Variants in PIKFYVE observed in about 807,000 individuals in gnomAD.
PIKFYVE encodes 1-phosphatidylinositol 3-phosphate 5-kinase.
Under a neutral mutation model 257.9 loss-of-function variants are expected in PIKFYVE, and 122 were observed. The observed-to-expected ratio is 0.47, with a 90% CI of 0.41 to 0.55. The LOEUF is 0.55. Among genes scored for constraint, PIKFYVE ranks in the 20% least tolerant of loss-of-function variants. The probability of loss-of-function intolerance (pLI) is 0.00; values close to 1 mark genes in which losing one functional copy is unlikely to be tolerated. For missense variants in PIKFYVE, 2,160 were observed against 2,536.6 expected (o/e 0.85, Z 3.19); for synonymous variants, 892 against 868.9 (o/e 1.03, Z -0.47).
rs374271291 is a variant in PIKFYVE, at chr2:208,278,742, C to CT, written c.613+1041dup. On this transcript the variant is annotated intron_variant, in intron 5 of 41. Coordinates refer to ENST00000264380, the MANE Select transcript of PIKFYVE (RefSeq NM_015040.4). Reference sequence around the variant, plus strand: ...TTGCTGCAAAGGACATAATTTTGTTCTTTTTTTATGGCTGCATAGTATTCC... The same window carrying CT: ...TTGCTGCAAAGGACATAATTTTGTTCTTTTTTTTATGGCTGCATAGTATTCC... Among the ~76,000 whole-genome samples the CT allele has an allele frequency of 5.9e-5, 9 of 152,186 alleles. No homozygotes were observed. In the South Asian group the frequency reaches 8.3e-4, roughly 14 times the overall value.
At chr2:208,287,270 CT>C (rs56178613) in intron 6 of PIKFYVE, among the ~76,000 whole-genome samples, 119,368 of 135,024 alleles carry the variant, frequency 0.88, 53,635 homozygotes, top group Non-Finnish European at 0.96. Flanking sequence ...TTTTCTTTTT[CT>C]TTTTTTTTTT....
chr2:208,315,773 A>G (rs970617049), intron 15 of PIKFYVE, among the ~76,000 whole-genome samples: 1 of 152,052 alleles, frequency 6.6e-6, no homozygotes, highest in African/African-American at 2.4e-5. Flanking sequence ...CATGCAGCCC[A>G]AGACTGCTTT....
chr2:208,350,084 G>A lies in PIKFYVE; in HGVS notation c.5434+1G>A, dbSNP rs1341503139. ...CTCATAAATCCTCATGTGGAACTTC[G>A]TAAGTATGAGATATTATATCATTGG... is the stretch of plus-strand genomic sequence containing the variant. On this transcript the variant is annotated splice_donor_variant, in intron 36 of 41. Coordinates refer to ENST00000264380, the MANE Select transcript of PIKFYVE (RefSeq NM_015040.4). LOFTEE classifies it high-confidence loss of function. The A allele has an allele frequency of 6.2e-7, 1 of 1,612,286 alleles. No individual in the cohort carries two copies. The highest frequency in any genetic ancestry group is 1.3e-5 in the African/African-American group (1 of 74,856).
chr2:208,335,568 A>G (rs1698039906), intron 25 of PIKFYVE, 149 bp downstream of exon 25: 3 of 810,614 alleles, frequency 3.7e-6, no homozygotes, highest in East Asian at 5.3e-5. Context: ...TGTAGACGCT[A>G]TGGAAAGATA....
chr2:208,320,992 T>C (rs190719710), intron 17 of PIKFYVE, among the ~76,000 whole-genome samples: 9 of 152,370 alleles, frequency 5.9e-5, no homozygotes, highest in Admixed American at 5.9e-4. Flanking sequence ...GCTCCATTTC[T>C]AGTTGTAGCG....
chr2:208,301,582 A>C (rs533304327), intron 9 of PIKFYVE, among the ~76,000 whole-genome samples: 1 of 152,296 alleles, frequency 6.6e-6, no homozygotes, highest in East Asian at 1.9e-4. Flanking sequence ...TCCTCCTCTC[A>C]TGGGAAGAAA....
intron 10 of PIKFYVE, among the ~76,000 whole-genome samples, chr2:208,303,933 AT>A (rs1304331369): frequency 1.1e-4 from 16 of 152,358 alleles, no homozygotes; most frequent in Admixed American, 6.5e-4. Flanking sequence ...TATCAAAAAA[AT>A]GTTTTGTTCT....
intron 2 of PIKFYVE, among the ~76,000 whole-genome samples, chr2:208,272,086 T>G (rs1336459150): frequency 6.6e-6 from 1 of 151,850 alleles, no homozygotes; most frequent in Non-Finnish European, 1.5e-5. Flanking sequence ...TACAAAAAAA[T>G]TAGCCGGGCA....
Position 208,325,859 on chromosome 2 carries a change from A to G in PIKFYVE, c.3048A>G (p.Arg1016=). ...QDPKSQIRAF[R]DPLQDDTGLY... is the part of the protein sequence containing the mutation. ...CCAAAAGCCAGATAAGAGCCTTTAG[A>G]GACCCTCTACAGGATGACACTGGAT... The change falls in exon 20 of 42, where the codon AGA becomes AGG. Residue 1016 remains arginine (R), a synonymous_variant. Transcript: ENST00000264380. The G allele has an allele frequency of 6.8e-6, 11 of 1,614,116 alleles. No individual in the cohort carries two copies. Among genetic ancestry groups the G allele is most frequent in the Non-Finnish European group, 9.3e-6 (11 of 1,179,974 alleles).
chr2:208,314,234 G>T (rs1258538631), intron 13 of PIKFYVE, 60 bp from the exon 14 acceptor site: 2 of 1,558,386 alleles, frequency 1.3e-6, no homozygotes, highest in South Asian at 1.1e-5. Flanking sequence ...CTAAATATAT[G>T]AGTAGATGGT....
At chr2:208,327,339 CTT>C (rs778711073) in intron 20 of PIKFYVE, among the ~76,000 whole-genome samples, 14 of 152,130 alleles carry the variant, frequency 9.2e-5, no homozygotes, top group Non-Finnish European at 2.1e-4. Context: ...AGGACTCCAA[CTT>C]TTTATAATCT....
chr2:208,326,647 A>G (rs1696956587), intron 20 of PIKFYVE, among the ~76,000 whole-genome samples: 1 of 152,182 alleles, frequency 6.6e-6, no homozygotes, highest in African/African-American at 2.4e-5. Context: ...CAGGGTTTTA[A>G]GGTGAGCTTA....
intron 17 of PIKFYVE, among the ~76,000 whole-genome samples, chr2:208,322,391 A>AC (rs1696354723): frequency 1.3e-5 from 2 of 150,570 alleles, no homozygotes; most frequent in Admixed American, 6.6e-5. Context: ...AAAAAAAAAA[A>AC]AAAAAAACTT....
At position 208,325,912 on chromosome 2, in the gene PIKFYVE, C is replaced by G; in HGVS notation, c.3101C>G (p.Ser1034Cys). The change falls in exon 20 of 42, where the codon TCT becomes TGT. Residue 1034 changes from serine (S) to cysteine (C), a missense_variant. Ser to Cys is a moderately radical substitution (Grantham distance 112). Around this residue, in one of 12 missense-constraint regions of PIKFYVE, gnomAD observed 522 missense variants for 514.6 expected, o/e 1.01. Coordinates refer to ENST00000264380, the MANE Select transcript of PIKFYVE (RefSeq NM_015040.4). ...GLYVTEEVTS[S>C]EDKRKTYSLA... ...TATGTTACTGAGGAAGTCACCTCCT[C>G]TGAAGATAAACGAAAGACTTATTCT... The G allele has an allele frequency of 6.2e-7, 1 of 1,614,090 alleles. No individual in the cohort carries two copies. Among genetic ancestry groups the G allele is most frequent in the South Asian group, 1.1e-5 (1 of 91,072 alleles).
At chr2:208,284,926 A>G (rs1372826319) in intron 5 of PIKFYVE, among the ~76,000 whole-genome samples, 1 of 150,870 alleles carries the variant, frequency 6.6e-6, no homozygotes, top group African/African-American at 2.4e-5. Context: ...GCCCTCAAGC[A>G]GTCCTTCTGC....
chr2:208,314,820 CAA>C (rs903342924), intron 14 of PIKFYVE, among the ~76,000 whole-genome samples: 26 of 151,954 alleles, frequency 1.7e-4, no homozygotes, highest in Admixed American at 7.9e-4. Context: ...TGCTTGAACT[CAA>C]GAGGCGGAGG....
Position 208,325,617 on chromosome 2 carries a change from T to C in PIKFYVE, c.2806T>C (p.Phe936Leu), listed in dbSNP as rs762527152. ...CAGTTTGCTGGAATTGAGGATTGTG[T>C]TTGAGAAGGGTGAGCAGGAAAATAA... ...DSSLLELRIVFEKGEQENKNL... is the reference protein window; with the variant it reads ...DSSLLELRIVLEKGEQENKNL... The change falls in exon 20 of 42, where the codon TTT becomes CTT. Residue 936 changes from phenylalanine (F) to leucine (L), a missense_variant. Transcript: ENST00000264380. The C allele has an allele frequency of 4.3e-6, 7 of 1,614,136 alleles. No individual in the cohort carries two copies. The Admixed American group carries it at 1.0e-4, about 23-fold the overall frequency.
chr2:208,322,784 T>G (rs1265849357), intron 17 of PIKFYVE, among the ~76,000 whole-genome samples: 1 of 151,354 alleles, frequency 6.6e-6, no homozygotes, highest in Non-Finnish European at 1.5e-5. Flanking sequence ...GCCATGTTCA[T>G]GTGTTGCACC....
rs1697306116 is a variant in PIKFYVE, at chr2:208,329,768, A to C, written c.3720-74A>C. Reference sequence around the variant, plus strand: ...AGTACCATACATTTAATAGGTAATCATAATTTGTGGTCTCATGAAATGTCT... The same window carrying C: ...AGTACCATACATTTAATAGGTAATCCTAATTTGTGGTCTCATGAAATGTCT... On this transcript the variant is annotated intron_variant, in intron 21 of 41. Coordinates refer to ENST00000264380, the MANE Select transcript of PIKFYVE (RefSeq NM_015040.4). 1.9e-6 allele frequency: 3 copies of C among 1,580,158 alleles called. No individual in the cohort carries two copies. The Admixed American group carries it at 5.3e-5, about 28-fold the overall frequency.
Sources: allele counts gnomAD v4.1 joint callset (sites outside exome capture counted in the v4.1 genomes callset), GRCh38; gene constraint gnomAD v4.1.1; regional missense constraint gnomAD v4.1.1; transcripts MANE v1.5; gene names NCBI Gene and HGNC (gene_info 2026-07-23, HGNC 2026-07-21).